ZACN: variants seen among roughly 807,000 people sequenced by gnomAD.
The protein encoded by ZACN is zinc activated ion channel.
A neutral mutation model predicts 38.9 loss-of-function variants in ZACN; 52 were observed. The observed-to-expected ratio is 1.34, with a 90% CI of 1.07 to 1.68. ZACN has a LOEUF of 1.68. Among genes scored for constraint, ZACN ranks in the 40% most tolerant of loss-of-function variants. The pLI, the probability that ZACN is intolerant of heterozygous loss-of-function variation, is 0.00. For missense variants in ZACN, 559 were observed against 525.6 expected (o/e 1.06, Z -0.62); for synonymous variants, 235 against 227.4 (o/e 1.03, Z -0.30).
rs2066924245 is a variant in ZACN, at chr17:76,079,999, G to C, written c.374+5G>C. 1 of 1,568,990 alleles carries C rather than the reference G, an allele frequency of 6.4e-7. No individual in the cohort carries two copies. The highest frequency in any genetic ancestry group is 2.4e-5 in the East Asian group (1 of 41,932). On this transcript the variant is annotated splice_donor_5th_base_variant and intron_variant, in intron 4 of 8. Transcript: ENST00000334586. ...AAGGCTCACCATCCTGGAGGCGTAAGTGAGACAGTTCCTGCCCCAGGAATC... is the reference window on the plus strand; with the variant it reads ...AAGGCTCACCATCCTGGAGGCGTAACTGAGACAGTTCCTGCCCCAGGAATC...
chr17:76,081,288 A>T lies in ZACN; in HGVS notation c.555A>T (p.Leu185Phe), dbSNP rs1024157318. Residue 185 changes from leucine to phenylalanine, a missense_variant, in exon 6 of 9, where the codon TTA becomes TTT. Coordinates refer to ENST00000334586, the MANE Select transcript of ZACN (RefSeq NM_180990.4). ...FYALSNTAME[L>F]EFQAHVVNEI... ...ATTCCCACCCCTCAGCGATGGAGTTAGAGTTCCAGGCCCACGTGGTGAACG... is the reference window on the plus strand; with the variant it reads ...ATTCCCACCCCTCAGCGATGGAGTTTGAGTTCCAGGCCCACGTGGTGAACG... 1.9e-5 allele frequency: 30 copies of T among 1,613,790 alleles called. No homozygotes were observed. The highest frequency in any genetic ancestry group is 2.5e-5 in the Non-Finnish European group (29 of 1,180,000).
In ZACN at chr17:76,081,717, A is replaced by G. The variant is rs993804837; in HGVS notation, c.842A>G (p.Gln281Arg). The G allele has an allele frequency of 3.7e-6, 6 of 1,613,950 alleles. No homozygotes were observed. Among genetic ancestry groups the G allele is most frequent in the Admixed American group, 3.3e-5 (2 of 59,994 alleles). The change falls in exon 7 of 9, where the codon CAG becomes CGG. Residue 281 changes from glutamine (Q) to arginine (R), a missense_variant. By Grantham distance (43) the Gln-to-Arg change is conservative. Coordinates refer to ENST00000334586, the MANE Select transcript of ZACN (RefSeq NM_180990.4). ...CTCGTCCTCCACTCCTCCCTGGTGC[A>G]GGCCCTGCCCAGCTCCTCCTCCTGC... The part of the protein sequence containing the change: ...SYLVLHSSLV[Q>R]ALPSSSSCNP...
intron 5 of ZACN, chr17:76,080,893 A>G (rs1311496271): frequency 8.8e-6 from 4 of 453,366 alleles, no homozygotes; most frequent in Middle Eastern, 6.6e-4. Context: ...ATCAGGTGAC[A>G]TCTAACTTGG....
intron 5 of ZACN, 172 bp from the exon 6 acceptor site, chr17:76,081,106 G>A: frequency 2.5e-6 from 2 of 793,708 alleles, no homozygotes; most frequent in Admixed American, 2.7e-5. Context: ...AATTTGGGAT[G>A]TTGCAAAACA....
intron 5 of ZACN, chr17:76,080,782 G>C: frequency 2.0e-6 from 1 of 488,840 alleles, no homozygotes; most frequent in Non-Finnish European, 4.0e-6. Context: ...CAGCCATGGC[G>C]ACTGCAGTGG....
At position 76,082,274 on chromosome 17, in the gene ZACN, A is replaced by C. The variant is rs565917203; in HGVS notation, c.1049-189A>C. 1.5e-5 allele frequency: 12 copies of C among 777,174 alleles called. No individual in the cohort carries two copies. The African/African-American group carries it at 2.1e-4, about 14-fold the overall frequency. The allele number at this position is 777,174 out of a possible 1,614,324, so 48.1% of individuals were successfully genotyped here. On this transcript the variant is annotated intron_variant, in intron 8 of 8. Transcript: ENST00000334586. ...GGTGACCTCAATCCCCTGATAACCC[A>C]TGCCTTGCACAGCCTAAGAGGGTGT...
chr17:76,081,775 C>T lies in ZACN; in HGVS notation c.880+20C>T. ...TGCTCAGTAAGCCCTGCTCCCTTAC[C>T]CAGTCTGCCCTGTTTCTCCCCGGTC... On this transcript the variant is annotated intron_variant, in intron 7 of 8. Transcript: ENST00000334586. The T allele has an allele frequency of 6.2e-7, 1 of 1,613,942 alleles. No homozygotes were observed. Among genetic ancestry groups the T allele is most frequent in the Non-Finnish European group, 8.5e-7 (1 of 1,179,902 alleles).
intron 8 of ZACN, 45 bp from the exon 9 acceptor site, chr17:76,082,418 G>C: frequency 1.9e-6 from 3 of 1,541,948 alleles, no homozygotes; most frequent in Non-Finnish European, 2.6e-6. Flanking sequence ...CTCATGTTGA[G>C]GGGACCTTGA....
Position 76,081,751 on chromosome 17 carries a change from G to C in ZACN, c.876G>C (p.Leu292=). Residue 292 remains leucine, a synonymous_variant, in exon 7 of 9, where the codon CTG becomes CTC. Transcript: ENST00000334586. ...CCAGCTCCTCCTCCTGCAACCCACT[G>C]CTCAGTAAGCCCTGCTCCCTTACCC... ...ALPSSSSCNP[L]LIYYFTILLL... 1 of 1,613,994 alleles carries C rather than the reference G, an allele frequency of 6.2e-7. No individual in the cohort carries two copies. Among genetic ancestry groups the C allele is most frequent in the Non-Finnish European group, 8.5e-7 (1 of 1,179,944 alleles).
In ZACN at chr17:76,080,580, T is replaced by C. The variant is rs74826227; in HGVS notation, c.544+156T>C. ...TCCCAGGTCTGTGTTCAGAGCAGTC[T>C]ACCCCAGGCTTAGGCGGGCAGCACC... On this transcript the variant is annotated intron_variant, in intron 5 of 8. Coordinates refer to ENST00000334586, the MANE Select transcript of ZACN (RefSeq NM_180990.4). The C allele has an allele frequency of 4.1e-3, 4,487 of 1,088,938 alleles. 68 individuals are homozygous for C. Among genetic ancestry groups the C allele is most frequent in the African/African-American group, 0.04 (2,550 of 64,082 alleles). 67.5% of individuals were successfully genotyped at this position (1,088,938 alleles called of 1,614,324 possible).
At chr17:76,080,595 C>T (rs1273600942) in intron 5 of ZACN, 171 bp downstream of exon 5, 4 of 939,472 alleles carry the variant, frequency 4.3e-6, no homozygotes, top group East Asian at 2.6e-5. Flanking sequence ...CAGGCTTAGG[C>T]GGGCAGCACC....
rs775703199 is a variant in ZACN at position 76,079,557 on chromosome 17, T to C, written c.216T>C (p.Phe72=). Residue 72 remains phenylalanine (F), a synonymous_variant, in exon 2 of 9, where the codon TTT becomes TTC. Transcript: ENST00000334586. ...VDVRVFVSNV[F]NVDILRYTMS... is the part of the protein sequence containing the mutation. ...TGCGGGTGTTTGTCTCCAACGTGTTTAATGTGGTAAGTGCCTCTAGGCCAA... is the reference window on the plus strand; with the variant it reads ...TGCGGGTGTTTGTCTCCAACGTGTTCAATGTGGTAAGTGCCTCTAGGCCAA... 1.5e-5 allele frequency: 25 copies of C among 1,614,030 alleles called. No individual in the cohort carries two copies. Among genetic ancestry groups the C allele is most frequent in the Non-Finnish European group, 2.1e-5 (25 of 1,180,032 alleles).
chr17:76,080,366 C>T lies in ZACN; in HGVS notation c.486C>T (p.Leu162=). The T allele has an allele frequency of 6.2e-7, 1 of 1,613,804 alleles. No homozygotes were observed. The highest frequency in any genetic ancestry group is 8.5e-7 in the Non-Finnish European group (1 of 1,179,806). The change falls in exon 5 of 9, where the codon CTC becomes CTT. Residue 162 remains leucine, a synonymous_variant. Transcript: ENST00000334586. ...AGACCAACTGCAACTTTGAGCTCCT[C>T]CACTTCCCCCGGGACCACAGCAACT... The part of the protein sequence containing the change: ...ATETNCNFEL[L]HFPRDHSNCS...
At position 76,082,517 on chromosome 17, in the gene ZACN, G is replaced by A. The variant is rs751792417; in HGVS notation, c.1103G>A (p.Arg368His). 8.1e-6 allele frequency: 13 copies of A among 1,613,770 alleles called. No homozygotes were observed. Among genetic ancestry groups the A allele is most frequent in the Middle Eastern group, 1.7e-4 (1 of 6,056 alleles). Residue 368 changes from arginine (R) to histidine (H), a missense_variant, in exon 9 of 9, where the codon CGC becomes CAC. Arg to His is a conservative substitution (Grantham distance 29, BLOSUM62 0). Transcript: ENST00000334586. Reference protein sequence around the residue: ...SQRSWPETADRIFFLVYVVGV... With the variant: ...SQRSWPETADHIFFLVYVVGV... ...AGAAGCTGGCCTGAGACTGCTGACC[G>A]CATCTTCTTCCTCGTGTATGTGGTT...
In ZACN at chr17:76,079,711, C is replaced by A. The variant is rs140302218; in HGVS notation, c.232C>A (p.Arg78=). 3.1e-6 allele frequency: 5 copies of A among 1,613,388 alleles called. No homozygotes were observed. The highest frequency in any genetic ancestry group is 4.2e-6 in the Non-Finnish European group (5 of 1,179,648). Residue 78 remains arginine (R), a synonymous_variant, in exon 3 of 9, where the codon CGA becomes AGA. Coordinates refer to ENST00000334586, the MANE Select transcript of ZACN (RefSeq NM_180990.4). ...ATTGCCCTTCCCCCAGGACATCCTGCGATACACAATGTCCTCCATGCTGCT... is the reference window on the plus strand; with the variant it reads ...ATTGCCCTTCCCCCAGGACATCCTGAGATACACAATGTCCTCCATGCTGCT... ...VSNVFNVDIL[R]YTMSSMLLLR...
At chr17:76,081,428 CAG>C in intron 6 of ZACN, 26 bp downstream of exon 6, 3 of 1,613,570 alleles carry the variant, frequency 1.9e-6, no homozygotes, top group Non-Finnish European at 2.5e-6. Flanking sequence ...AGGAGGCCGA[CAG>C]AGGGCTGCTG....
chr17:76,082,226 A>G, intron 8 of ZACN, 177 bp downstream of exon 8: 6 of 869,700 alleles, frequency 6.9e-6, no homozygotes, highest in Non-Finnish European at 1.0e-5. Context: ...GCAGGGAGCA[A>G]GCTGAGCCTC....
chr17:76,080,210 T>C (rs1048330320), intron 4 of ZACN, 45 bp from the exon 5 acceptor site: 3 of 1,573,330 alleles, frequency 1.9e-6, no homozygotes, highest in African/African-American at 2.7e-5. Flanking sequence ...CCCGGCCCCG[T>C]CCAAGAAGGG....
Position 76,081,590 on chromosome 17 carries a change from G to C in ZACN, c.715G>C (p.Val239Leu). ...TALKSIIALL[V>L]PAEALLLADV... is the part of the protein sequence containing the mutation. ...GCTCAAGTCCATCATCGCTCTCTTG[G>C]TGCCTGCAGAGGCACTGCTGTTGGC... Residue 239 changes from valine (V) to leucine (L), a missense_variant, in exon 7 of 9, where the codon GTG (valine) becomes CTG (leucine). By Grantham distance (32) the Val-to-Leu change is conservative. Coordinates refer to ENST00000334586, the MANE Select transcript of ZACN (RefSeq NM_180990.4). 2.5e-6 allele frequency: 4 copies of C among 1,614,014 alleles called. No homozygotes were observed. Among genetic ancestry groups the C allele is most frequent in the Non-Finnish European group, 2.5e-6 (3 of 1,180,036 alleles).
Sources: gnomAD v4.1 joint callset for allele counts on GRCh38, gnomAD v4.1.1 for gene constraint, MANE v1.5 for transcripts, NCBI Gene and HGNC (gene_info 2026-07-23, HGNC 2026-07-21) for gene names.